SSH2: variants seen among roughly 807,000 people sequenced by gnomAD.
The protein encoded by SSH2 is slingshot protein phosphatase 2.
SSH2 carries 37 observed loss-of-function variants against 135.2 expected under a neutral mutation model. That is an observed-to-expected ratio of 0.27 (90% CI 0.21 to 0.36). The LOEUF (loss-of-function observed/expected upper bound fraction) is 0.36, where lower values mean the gene tolerates loss of function less well. Ranked by LOEUF, SSH2 falls within the 10% of genes least tolerant of loss-of-function variation. The probability of loss-of-function intolerance (pLI) is 1.00; values close to 1 mark genes in which losing one functional copy is unlikely to be tolerated. For synonymous variants in SSH2, 628 were observed against 646.2 expected (o/e 0.97, Z 0.43); for missense variants, 1,408 against 1,765.3 (o/e 0.80, Z 3.63).
chr17:29,673,797 C>T (rs997050838), intron 8 of SSH2: 1 of 297,246 alleles, frequency 3.4e-6, no homozygotes, highest in African/African-American at 2.2e-5. Context: ...ATAACTTGCT[C>T]TTTTGCTTTA....
At chr17:29,890,137 T>C (rs1462530409) in intron 1 of SSH2, among the ~76,000 whole-genome samples, 2 of 152,156 alleles carry the variant, frequency 1.3e-5, no homozygotes, top group African/African-American at 2.4e-5. Context: ...TTCACAAGAA[T>C]GGCTAGAATC....
At chr17:29,684,755 T>A in intron 5 of SSH2, 71 bp from the exon 6 acceptor site, 1 of 1,460,968 alleles carries the variant, frequency 6.8e-7, no homozygotes, top group African/African-American at 1.4e-5. Flanking sequence ...CAACCCTTTT[T>A]CATCAGCATC....
Position 29,635,995 on chromosome 17 carries a change from T to C in SSH2, c.2235A>G (p.Glu745=). Residue 745 remains glutamate, a synonymous_variant, in exon 15 of 16, where the codon GAA becomes GAG. Transcript: ENST00000540801. The stretch of plus-strand genomic sequence containing the variant: ...TTGACTGTTCCTCATCCATTGAAGA[T>C]TCTTCTGATGCATGGGGAGTATTAC... The part of the protein sequence containing the change: ...SLSNTPHASE[E]SSMDEEQSKA... 2 of 1,613,242 alleles carry C rather than the reference T, an allele frequency of 1.2e-6. No homozygotes were observed. Among genetic ancestry groups the C allele is most frequent in the Non-Finnish European group, 1.7e-6 (2 of 1,179,286 alleles).
intron 4 of SSH2, among the ~76,000 whole-genome samples, chr17:29,696,817 T>C (rs1212556333): frequency 2.0e-5 from 3 of 151,386 alleles, no homozygotes; most frequent in African/African-American, 7.3e-5. Context: ...CCCGAGTAGC[T>C]GGGATTACAG....
intron 3 of SSH2, among the ~76,000 whole-genome samples, chr17:29,785,680 A>C (rs1383104404): frequency 6.7e-5 from 10 of 149,062 alleles, no homozygotes; most frequent in Non-Finnish European, 1.5e-5. Context: ...TTGTATTTTT[A>C]GTAGGGATGG....
chr17:29,635,415 T>C (rs1470788401), intron 15 of SSH2, among the ~76,000 whole-genome samples: 1 of 152,106 alleles, frequency 6.6e-6, no homozygotes, highest in Non-Finnish European at 1.5e-5. Context: ...GACTTCTTTT[T>C]TTTTTTGAGA....
chr17:29,641,937 CTTTTTTTTT>C (rs34380761), intron 14 of SSH2, among the ~76,000 whole-genome samples: 1 of 139,486 alleles, frequency 7.2e-6, no homozygotes, highest in Non-Finnish European at 1.5e-5. Flanking sequence ...TAGACATTGT[CTTTTTTTTT>C]TTTTTTTTTA....
In SSH2 at chr17:29,630,595, C is replaced by T. The variant is rs192631399; in HGVS notation, c.*246G>A. The T allele has an allele frequency of 6.9e-4, 215 of 313,630 alleles. No individual in the cohort carries two copies. The highest frequency in any genetic ancestry group is 4.2e-3 in the African/African-American group (197 of 46,718). The allele number at this position is 313,630 out of a possible 1,614,324, so 19.4% of individuals were successfully genotyped here. A position where few individuals can be genotyped will look rare whatever the true frequency, so the allele number is the denominator to read the frequency against. On this transcript the variant is annotated 3_prime_UTR_variant, in exon 16 of 16. Transcript: ENST00000540801. ...TGATAAAGGTGTTCTCTGAAAATGA[C>T]TTTTTTGAGGTTTGATTTTTTTAAA...
At chr17:29,705,011 C>T (rs578153313) in intron 3 of SSH2, among the ~76,000 whole-genome samples, 2 of 152,290 alleles carry the variant, frequency 1.3e-5, no homozygotes, top group African/African-American at 4.8e-5. Context: ...GTTAAATTGA[C>T]GTTGCCAAAA....
At chr17:29,918,235 T>C (rs1484488463) in intron 1 of SSH2, among the ~76,000 whole-genome samples, 1 of 152,100 alleles carries the variant, frequency 6.6e-6, no homozygotes, top group Non-Finnish European at 1.5e-5. Context: ...ACTGAGAAGG[T>C]AACACCTAAG....
At position 29,631,028 on chromosome 17, in the gene SSH2, C is replaced by T. The variant is rs778918263; in HGVS notation, c.4166G>A (p.Gly1389Glu). 9 of 1,614,144 alleles carry T rather than the reference C, an allele frequency of 5.6e-6. No individual in the cohort carries two copies. In the Admixed American group the frequency reaches 1.3e-4, roughly 24 times the overall value. Residue 1389 changes from glycine (G) to glutamate (E), a missense_variant, in exon 16 of 16, where the codon GGA becomes GAA. Transcript: ENST00000540801. ...TCCTTCAGAACTAGTCAATTCAAGTCCTGCCCTGGGGAGCAAATACTGCTG... is the reference window on the plus strand; with the variant it reads ...TCCTTCAGAACTAGTCAATTCAAGTTCTGCCCTGGGGAGCAAATACTGCTG... ...SSQQYLLPRA[G>E]LELTSSEGGL...
At chr17:29,725,550 A>G (rs975632616) in intron 3 of SSH2, among the ~76,000 whole-genome samples, 2 of 152,170 alleles carry the variant, frequency 1.3e-5, no homozygotes, top group Non-Finnish European at 2.9e-5. Context: ...CATATACACC[A>G]TGGAATACTA....
intron 2 of SSH2, among the ~76,000 whole-genome samples, chr17:29,837,922 A>G (rs982969699): frequency 3.9e-5 from 6 of 152,230 alleles, no homozygotes; most frequent in Admixed American, 6.5e-5. Flanking sequence ...GCACAACTGC[A>G]GCTGCACAAG....
At chr17:29,781,468 GTTTT>G in intron 3 of SSH2, among the ~76,000 whole-genome samples, 1 of 114,558 alleles carries the variant, frequency 8.7e-6, no homozygotes, top group South Asian at 2.8e-4. Context: ...CTAATCCTGT[GTTTT>G]CTTTTTTTTT....
chr17:29,851,901 A>C (rs2065568530), intron 1 of SSH2, among the ~76,000 whole-genome samples: 2 of 152,126 alleles, frequency 1.3e-5, no homozygotes, highest in Admixed American at 1.3e-4. Context: ...GAAGAGAGAA[A>C]AGTAAAAATT....
In SSH2 at chr17:29,857,069, T is replaced by G. The variant is rs1468690900; in HGVS notation, c.64-8140A>C. Reference sequence around the variant, plus strand: ...TCATGTCCTCACATTTCAAAACCAATCATGCCTTCCCAAGAGTCCCCCAAA... The same window carrying G: ...TCATGTCCTCACATTTCAAAACCAAGCATGCCTTCCCAAGAGTCCCCCAAA... On this transcript the variant is annotated intron_variant, in intron 1 of 15. Coordinates refer to ENST00000540801, the MANE Select transcript of SSH2 (RefSeq NM_001282129.2). Among the ~76,000 whole-genome samples the G allele has an allele frequency of 3.9e-5, 6 of 151,988 alleles. No individual in the cohort carries two copies. The East Asian group carries it at 1.2e-3, about 29-fold the overall frequency.
At chr17:29,709,011 T>TAGAG (rs1432961142) in intron 3 of SSH2, among the ~76,000 whole-genome samples, 16 of 96,740 alleles carry the variant, frequency 1.7e-4, no homozygotes, top group African/African-American at 4.1e-4. Context: ...TATATATATA[T>TAGAG]ATATAGAGAG....
intron 5 of SSH2, among the ~76,000 whole-genome samples, chr17:29,689,962 C>T (rs2038391484): frequency 2.2e-5 from 3 of 138,984 alleles, no homozygotes; most frequent in South Asian, 2.2e-4. Context: ...TGCAATAAGC[C>T]GAGAACACAC....
chr17:29,860,438 C>CTT (rs376815701), intron 1 of SSH2, among the ~76,000 whole-genome samples: 45,120 of 114,162 alleles, frequency 0.4, 11,443 homozygotes, highest in East Asian at 0.66. Flanking sequence ...CCTTTGCCCA[C>CTT]TTTTTTTTTT....
Sources: gnomAD v4.1 joint callset for allele counts (sites outside exome capture counted in the v4.1 genomes callset) on GRCh38, gnomAD v4.1.1 for gene constraint, MANE v1.5 for transcripts, NCBI Gene and HGNC (gene_info 2026-07-23, HGNC 2026-07-21) for gene names.